VWC2: variants seen among roughly 807,000 people sequenced by gnomAD.
VWC2 encodes the protein von Willebrand factor C domain containing 2, also known as brorin.
In VWC2, 14 loss-of-function variants were observed where a neutral mutation model predicts 29.8. That is an observed-to-expected ratio of 0.47 (90% CI 0.31 to 0.74). The LOEUF (loss-of-function observed/expected upper bound fraction) is 0.74, where lower values mean the gene tolerates loss of function less well. Among genes scored for constraint, VWC2 ranks in the 30% least tolerant of loss-of-function variants. VWC2 has a pLI of 0.05. For synonymous variants in VWC2, 213 were observed against 199.0 expected, an observed-to-expected ratio of 1.07 and a Z score of -0.59; for missense variants, 457 against 459.8, an observed-to-expected ratio of 0.99 and a Z score of 0.05.
chr7:49,892,469 G>A lies in VWC2; in HGVS notation c.827-19565G>A, dbSNP rs187396021. On this transcript the variant is annotated intron_variant, in intron 3 of 3. Coordinates refer to ENST00000340652, the MANE Select transcript of VWC2 (RefSeq NM_198570.5). ...AGGAAAAGAAGTCCTGCTATACAGG[G>A]GTATATACATTATGATTATCTAAGG... Among the ~76,000 whole-genome samples the A allele has an allele frequency of 7.3e-3, 1,118 of 152,236 alleles. 14 individuals are homozygous for A. The highest frequency in any genetic ancestry group is 0.026 in the African/African-American group (1,082 of 41,526).
intron 3 of VWC2, among the ~76,000 whole-genome samples, chr7:49,822,456 C>G (rs545147794): frequency 1.3e-5 from 2 of 152,022 alleles, no homozygotes; most frequent in South Asian, 2.1e-4. Flanking sequence ...TTGTTTGAGA[C>G]GGAGTCTTAC....
At chr7:49,883,834 C>A (rs1791782584) in intron 3 of VWC2, among the ~76,000 whole-genome samples, 1 of 152,164 alleles carries the variant, frequency 6.6e-6, no homozygotes, top group African/African-American at 2.4e-5. Flanking sequence ...CATAGACATA[C>A]CCTAGTGAAT....
At chr7:49,872,774 G>C (rs1233821738) in intron 3 of VWC2, among the ~76,000 whole-genome samples, 1 of 147,366 alleles carries the variant, frequency 6.8e-6, no homozygotes, top group Admixed American at 6.8e-5. Context: ...AAATTAGTCC[G>C]GTGTGGTGGC....
chr7:49,902,292 A>G lies in VWC2; in HGVS notation c.827-9742A>G, dbSNP rs542113550. On this transcript the variant is annotated intron_variant, in intron 3 of 3. Coordinates refer to ENST00000340652, the MANE Select transcript of VWC2 (RefSeq NM_198570.5). The stretch of plus-strand genomic sequence containing the variant: ...AACATTTGCAAAAGACATAAAAAAA[A>G]CTGTTGTCCTAAATATACAAACAAT... Among the ~76,000 whole-genome samples, 25 of 152,142 alleles carry G rather than the reference A, an allele frequency of 1.6e-4. 1 individual carries two copies. In the South Asian group the frequency reaches 3.7e-3, roughly 23 times the overall value.
At chr7:49,779,797 G>T (rs546591758) in intron 2 of VWC2, among the ~76,000 whole-genome samples, 1 of 152,248 alleles carries the variant, frequency 6.6e-6, no homozygotes, top group African/African-American at 2.4e-5. Context: ...AGCAGGGCTG[G>T]TTTCTTCCGA....
chr7:49,834,680 A>C (rs1419253515), intron 3 of VWC2, among the ~76,000 whole-genome samples: 1 of 152,234 alleles, frequency 6.6e-6, no homozygotes, highest in East Asian at 1.9e-4. Flanking sequence ...GGAAAAAATA[A>C]AATTCCCCAG....
chr7:49,873,157 T>C (rs1791246183), intron 3 of VWC2, among the ~76,000 whole-genome samples: 1 of 152,004 alleles, frequency 6.6e-6, no homozygotes, highest in African/African-American at 2.4e-5. Context: ...AATTTGAGAG[T>C]AACAATTTGT....
chr7:49,864,962 T>C (rs1167048183), intron 3 of VWC2, among the ~76,000 whole-genome samples: 5 of 152,250 alleles, frequency 3.3e-5, no homozygotes, highest in African/African-American at 1.2e-4. Flanking sequence ...CTGTTTGTTT[T>C]TCAGTGCTCC....
chr7:49,838,179 A>G (rs1004307631), intron 3 of VWC2, among the ~76,000 whole-genome samples: 2 of 152,238 alleles, frequency 1.3e-5, no homozygotes, highest in Non-Finnish European at 2.9e-5. Flanking sequence ...TGTGTGAATT[A>G]GGAGGCAGAG....
intron 3 of VWC2, among the ~76,000 whole-genome samples, chr7:49,824,335 C>T (rs1391088719): frequency 1.3e-5 from 2 of 152,088 alleles, no homozygotes; most frequent in Non-Finnish European, 2.9e-5. Context: ...GAAAAGATTA[C>T]CTTTTTCCTA....
At chr7:49,859,971 T>C (rs1790585648) in intron 3 of VWC2, among the ~76,000 whole-genome samples, 1 of 151,706 alleles carries the variant, frequency 6.6e-6, no homozygotes, top group Non-Finnish European at 1.5e-5. Context: ...TATGTATAAA[T>C]ATATACTTAT....
chr7:49,816,450 T>C (rs956646498), intron 3 of VWC2, among the ~76,000 whole-genome samples: 1 of 152,130 alleles, frequency 6.6e-6, no homozygotes, highest in African/African-American at 2.4e-5. Context: ...TGGTTGACCA[T>C]ACAAGGTAGG....
rs1793693455 is a variant in VWC2 at position 49,915,835 on chromosome 7, T to C, written c.*3650T>C. The C allele has an allele frequency of 6.6e-6, 1 of 152,210 alleles. No individual in the cohort carries two copies. Among genetic ancestry groups the C allele is most frequent in the Admixed American group, 6.5e-5 (1 of 15,276 alleles). The allele number at this position is 152,210 out of a possible 1,614,324, so 9.4% of individuals were successfully genotyped here. On this transcript the variant is annotated 3_prime_UTR_variant, in exon 4 of 4. Transcript: ENST00000340652. ...ATGTTATTATGAAGAGTATCAGATG[T>C]ACAAATAAGCATCATTGGTAAAAAC...
chr7:49,789,156 T>G (rs1260517322), intron 2 of VWC2, among the ~76,000 whole-genome samples: 1 of 147,182 alleles, frequency 6.8e-6, no homozygotes, highest in Non-Finnish European at 1.5e-5. Flanking sequence ...AATGTGAGTG[T>G]GGCTGTATGT....
intron 3 of VWC2, among the ~76,000 whole-genome samples, chr7:49,837,911 A>AT (rs1789701531): frequency 6.6e-6 from 1 of 152,102 alleles, no homozygotes. Flanking sequence ...ATAATGAAAA[A>AT]TTTTTTCAAA....
At chr7:49,861,130 G>A (rs932197436) in intron 3 of VWC2, among the ~76,000 whole-genome samples, 2 of 152,134 alleles carry the variant, frequency 1.3e-5, no homozygotes, top group African/African-American at 4.8e-5. Context: ...CAATTTACAA[G>A]CATTACAATT....
chr7:49,799,454 G>A (rs1424724295), intron 2 of VWC2, among the ~76,000 whole-genome samples: 2 of 152,254 alleles, frequency 1.3e-5, no homozygotes, highest in Non-Finnish European at 1.5e-5. Context: ...TGGCATCTGA[G>A]GGACTCACAC....
chr7:49,871,616 T>C (rs1791149435), intron 3 of VWC2, among the ~76,000 whole-genome samples: 1 of 152,140 alleles, frequency 6.6e-6, no homozygotes, highest in African/African-American at 2.4e-5. Context: ...AAAACCTCTA[T>C]GGTTTTTATT....
At chr7:49,903,374 A>T (rs1336612264) in intron 3 of VWC2, among the ~76,000 whole-genome samples, 2 of 152,230 alleles carry the variant, frequency 1.3e-5, no homozygotes, top group Non-Finnish European at 2.9e-5. Flanking sequence ...AAACTGTGGT[A>T]CAGCCATACC....
Sources: allele counts gnomAD v4.1 joint callset (sites outside exome capture counted in the v4.1 genomes callset), GRCh38; gene constraint gnomAD v4.1.1; transcripts MANE v1.5; gene names NCBI Gene and HGNC (gene_info 2026-07-23, HGNC 2026-07-21).